SLC7A7: variants seen among roughly 807,000 people sequenced by gnomAD.
SLC7A7 encodes the protein Y+L amino acid transporter 1.
SLC7A7 carries 39 observed loss-of-function variants against 47.9 expected under a neutral mutation model. That is an observed-to-expected ratio of 0.81 (90% CI 0.63 to 1.06). SLC7A7 has a LOEUF of 1.06. Among genes scored for constraint, SLC7A7 ranks in the 50% least tolerant of loss-of-function variants. The pLI, the probability that SLC7A7 is intolerant of heterozygous loss-of-function variation, is 0.00. For synonymous variants in SLC7A7, 234 were observed against 242.8 expected (o/e 0.96, Z 0.34); for missense variants, 588 against 632.0 (o/e 0.93, Z 0.75).
At chr14:22,794,843 C>A (rs971855708) in intron 2 of SLC7A7, among the ~76,000 whole-genome samples, 1 of 152,148 alleles carries the variant, frequency 6.6e-6, no homozygotes, top group South Asian at 2.1e-4. Flanking sequence ...GGGGTGGAAC[C>A]CAGGCATCGG....
rs866437643 is a variant in SLC7A7 at position 22,812,912 on chromosome 14, C to A, written c.487G>T (p.Ala163Ser). The A allele has an allele frequency of 1.9e-6, 3 of 1,613,188 alleles. No homozygotes were observed. Among genetic ancestry groups the A allele is most frequent in the African/African-American group, 1.3e-5 (1 of 74,770 alleles). ...APYAASRLLA[A>S]ACICLLTFIN... ...CAGCCCCACTTACAAATGCAGGCAG[C>A]AGCCAGCAGGCGGCTGGCAGCATAA... Residue 163 changes from alanine (A) to serine (S), a missense_variant, in exon 2 of 10, where the codon GCT (alanine) becomes TCT (serine). Coordinates refer to ENST00000674313, the MANE Select transcript of SLC7A7 (RefSeq NM_003982.4).
Position 22,775,423 on chromosome 14 carries a change from CT to C in SLC7A7, c.1095+20del, listed in dbSNP as rs2038581437. The C allele has an allele frequency of 1.2e-6, 2 of 1,601,548 alleles. No homozygotes were observed. The highest frequency in any genetic ancestry group is 1.3e-5 in the African/African-American group (1 of 74,784). On this transcript the variant is annotated intron_variant, in intron 7 of 9. Transcript: ENST00000674313. ...TTTCCCCCGCAATCTGGCTTTCAGT[CT>C]CATCCTTGAGTTCACTTACATTGAA...
chr14:22,806,187 C>CTTTTTTTTTT (rs77783824), intron 2 of SLC7A7, among the ~76,000 whole-genome samples: 1 of 78,278 alleles, frequency 1.3e-5, no homozygotes, highest in Non-Finnish European at 2.3e-5. Flanking sequence ...ACATCAATCT[C>CTTTTTTTTTT]TTTTTTTTTT....
chr14:22,800,501 C>T (rs1566456749), intron 2 of SLC7A7, among the ~76,000 whole-genome samples: 1 of 152,206 alleles, frequency 6.6e-6, no homozygotes, highest in Non-Finnish European at 1.5e-5. Context: ...GGCAATGCAA[C>T]TTCCACTTTG....
intron 2 of SLC7A7, among the ~76,000 whole-genome samples, chr14:22,805,970 G>A (rs10135949): frequency 0.12 from 17,879 of 150,900 alleles, 1,277 homozygotes; most frequent in South Asian, 0.19. Flanking sequence ...GTGAAACCTC[G>A]TCTCTACTAA....
At position 22,813,108 on chromosome 14, in the gene SLC7A7, A is replaced by G. The variant is rs1373571295; in HGVS notation, c.291T>C (p.Ile97=). The part of the protein sequence containing the change: ...ALCYAELGTT[I]KKSGASYAYI... ...AGGCATAGCTGGCCCCAGATTTCTTAATGGTGGTGCCCAGTTCCGCATAAC... is the reference window on the plus strand; with the variant it reads ...AGGCATAGCTGGCCCCAGATTTCTTGATGGTGGTGCCCAGTTCCGCATAAC... The change falls in exon 2 of 10, where the codon ATT becomes ATC. Residue 97 remains isoleucine, a synonymous_variant. Transcript: ENST00000674313. 1.2e-6 allele frequency: 2 copies of G among 1,614,058 alleles called. No individual in the cohort carries two copies. The highest frequency in any genetic ancestry group is 1.3e-5 in the African/African-American group (1 of 74,902).
upstream of SLC7A7, chr14:22,819,576 G>A (rs572527685): frequency 2.0e-5 from 3 of 152,306 alleles, no homozygotes; most frequent in African/African-American, 7.2e-5. Flanking sequence ...CCAATTTTTA[G>A]GACTCCATCC....
intron 2 of SLC7A7, among the ~76,000 whole-genome samples, chr14:22,790,327 CAAAAAAAAAAAAAAA>C (rs538548693): frequency 1.2e-5 from 1 of 83,198 alleles, no homozygotes; most frequent in African/African-American, 4.4e-5. Flanking sequence ...AAGACTGTCT[CAAAAAAAAAAAAAAA>C]AAAAAAAAAA....
chr14:22,784,008 T>C (rs2038767567), intron 2 of SLC7A7, among the ~76,000 whole-genome samples: 1 of 152,218 alleles, frequency 6.6e-6, no homozygotes, highest in Admixed American at 6.5e-5. Context: ...GACAGGGCTT[T>C]TTGTCCCCAC....
intron 2 of SLC7A7, among the ~76,000 whole-genome samples, chr14:22,782,190 C>T (rs888699208): frequency 2.6e-5 from 4 of 152,098 alleles, no homozygotes; most frequent in African/African-American, 9.7e-5. Context: ...GCAACATCTG[C>T]CTCCCGGGTT....
Position 22,813,294 on chromosome 14 carries a change from C to G in SLC7A7, c.105G>C (p.Lys35Asn). The change falls in exon 2 of 10, where the codon AAG becomes AAC. Residue 35 changes from lysine to asparagine, a missense_variant. Coordinates refer to ENST00000674313, the MANE Select transcript of SLC7A7 (RefSeq NM_003982.4). ...ACACGCCGTTAAGCAGTGAGATCTC[C>G]TTCTTCAGCTTCACCTGCTCCGGCC... Reference protein sequence around the residue: ...SPGPEQVKLKKEISLLNGVCL... With the variant: ...SPGPEQVKLKNEISLLNGVCL... The G allele has an allele frequency of 6.2e-7, 1 of 1,614,188 alleles. No individual in the cohort carries two copies. The highest frequency in any genetic ancestry group is 8.5e-7 in the Non-Finnish European group (1 of 1,180,022).
chr14:22,778,855 C>CAGAG lies in SLC7A7; in HGVS notation c.704_707dup (p.Phe237SerfsTer15). 1 of 1,614,180 alleles carries CAGAG rather than the reference C, an allele frequency of 6.2e-7. No homozygotes were observed. Among genetic ancestry groups the CAGAG allele is most frequent in the Non-Finnish European group, 8.5e-7 (1 of 1,180,040 alleles). On this transcript the variant is annotated frameshift_variant, in exon 4 of 10. Coordinates refer to ENST00000674313, the MANE Select transcript of SLC7A7 (RefSeq NM_003982.4). LOFTEE classifies it high-confidence loss of function. The stretch of plus-strand genomic sequence containing the variant: ...GGGTGTCCCAGCCTGAGTAGGAGAA[C>CAGAG]AGAGCTGAGTACAGTGCCAGGGCAA...
At chr14:22,804,332 A>C (rs2039164982) in intron 2 of SLC7A7, among the ~76,000 whole-genome samples, 1 of 152,198 alleles carries the variant, frequency 6.6e-6, no homozygotes, top group Non-Finnish European at 1.5e-5. Flanking sequence ...TACCAAAAGC[A>C]ATTGCCAAAA....
intron 4 of SLC7A7, among the ~76,000 whole-genome samples, chr14:22,776,930 C>T (rs2331765): frequency 0.68 from 102,607 of 150,972 alleles, 34,988 homozygotes; most frequent in Non-Finnish European, 0.72. Flanking sequence ...AATTGTGCCA[C>T]TGCACTCCAG....
At chr14:22,795,106 C>T (rs2038989350) in intron 2 of SLC7A7, among the ~76,000 whole-genome samples, 2 of 116,866 alleles carry the variant, frequency 1.7e-5, no homozygotes, top group South Asian at 5.7e-4. Flanking sequence ...TTTGAGACAG[C>T]GTCTCACTCT....
intron 2 of SLC7A7, among the ~76,000 whole-genome samples, chr14:22,804,398 ATAAAT>A (rs1210530258): frequency 6.6e-6 from 1 of 152,242 alleles, no homozygotes; most frequent in Non-Finnish European, 1.5e-5. Flanking sequence ...GCACAGCAAA[ATAAAT>A]TATCATCAGA....
intron 2 of SLC7A7, among the ~76,000 whole-genome samples, chr14:22,785,821 G>T (rs1360799942): frequency 2.0e-5 from 3 of 151,264 alleles, no homozygotes; most frequent in Non-Finnish European, 4.4e-5. Flanking sequence ...AGGAGATCAA[G>T]ACCATCCTGG....
chr14:22,806,303 C>G (rs2039207961), intron 2 of SLC7A7, among the ~76,000 whole-genome samples: 1 of 141,032 alleles, frequency 7.1e-6, no homozygotes, highest in Non-Finnish European at 1.5e-5. Flanking sequence ...TCAAGCGATT[C>G]TCCTGCCTCA....
chr14:22,811,076 T>C (rs1363036034), intron 2 of SLC7A7, among the ~76,000 whole-genome samples: 1 of 151,952 alleles, frequency 6.6e-6, no homozygotes, highest in Admixed American at 6.6e-5. Context: ...ACATCCCATA[T>C]GCAGAGATGA....
Sources: allele counts gnomAD v4.1 joint callset (sites outside exome capture counted in the v4.1 genomes callset), GRCh38; gene constraint gnomAD v4.1.1; transcripts MANE v1.5; gene names NCBI Gene and HGNC (gene_info 2026-07-23, HGNC 2026-07-21).